The following CLASP1 variants were observed in gnomAD, a reference collection of about 807,000 sequenced individuals.
The protein encoded by CLASP1 is cytoplasmic linker associated protein 1.
A neutral mutation model predicts 192.3 loss-of-function variants in CLASP1; 38 were observed. That is an observed-to-expected ratio of 0.20 (90% CI 0.15 to 0.26). The LOEUF is 0.26. Among genes scored for constraint, CLASP1 ranks in the 10% least tolerant of loss-of-function variants. The probability of loss-of-function intolerance (pLI) is 1.00; values close to 1 mark genes in which losing one functional copy is unlikely to be tolerated. For synonymous variants in CLASP1, 691 were observed against 712.8 expected, an observed-to-expected ratio of 0.97 and a Z score of 0.49; for missense variants, 1,433 against 1,932.5, an observed-to-expected ratio of 0.74 and a Z score of 4.85.
At chr2:121,594,525 T>A (rs758759916) in intron 2 of CLASP1, among the ~76,000 whole-genome samples, 35 of 151,376 alleles carry the variant, frequency 2.3e-4, no homozygotes, top group Non-Finnish European at 4.7e-4. Context: ...CCCGAGTAGC[T>A]GGGACTACAG....
At chr2:121,367,712 G>T (rs371844669) in exon 35 of CLASP1, 4 of 1,614,006 alleles carry the variant, frequency 2.5e-6, no homozygotes, top group Non-Finnish European at 3.4e-6. Flanking sequence ...CCGGGAAGGC[G>T]CGCGGAGGCT....
At chr2:121,519,324 TGAG>T (rs2094403384) in intron 6 of CLASP1, among the ~76,000 whole-genome samples, 1 of 152,000 alleles carries the variant, frequency 6.6e-6, no homozygotes, top group African/African-American at 2.4e-5. Flanking sequence ...GGCAGTGACA[TGAG>T]GAGTGAGTGA....
At chr2:121,366,101 A>G (rs1428709849) in intron 35 of CLASP1, among the ~76,000 whole-genome samples, 1 of 152,252 alleles carries the variant, frequency 6.6e-6, no homozygotes, top group East Asian at 1.9e-4. Flanking sequence ...AAAGTCTGAA[A>G]TGGTAAAGAA....
intron 9 of CLASP1, among the ~76,000 whole-genome samples, chr2:121,464,701 T>G (rs1344483970): frequency 1.3e-5 from 2 of 152,194 alleles, no homozygotes; most frequent in East Asian, 3.8e-4. Flanking sequence ...GTTGTTTGTT[T>G]TTTTCTTGTA....
intron 2 of CLASP1, among the ~76,000 whole-genome samples, chr2:121,578,722 G>A (rs1315277161): frequency 4.0e-5 from 5 of 125,744 alleles, no homozygotes; most frequent in Admixed American, 2.3e-4. Context: ...GCAAGACTCC[G>A]TCTCAAAAAA....
At chr2:121,354,809 C>T (rs1472688412) in intron 37 of CLASP1, among the ~76,000 whole-genome samples, 1 of 152,192 alleles carries the variant, frequency 6.6e-6, no homozygotes, top group Admixed American at 6.5e-5. Context: ...AAGAACACGG[C>T]TCTGGAGACA....
chr2:121,378,360 A>T (rs1373344963), intron 33 of CLASP1, among the ~76,000 whole-genome samples: 1 of 152,188 alleles, frequency 6.6e-6, no homozygotes, highest in African/African-American at 2.4e-5. Context: ...AATCCTCATA[A>T]AAGCAAGAAA....
rs112605401 is a variant in CLASP1, at chr2:121,613,293, C to G, written c.-285-7113G>C. On this transcript the variant is annotated intron_variant, in intron 1 of 39. Transcript: ENST00000263710. ...GCATCTCAACCTTTTCCTGTCACATCATCTTGGTCCACAGGGCCAAAACAA... is the reference window on the plus strand; with the variant it reads ...GCATCTCAACCTTTTCCTGTCACATGATCTTGGTCCACAGGGCCAAAACAA... 1.2e-3 allele frequency among the ~76,000 whole-genome samples: 186 copies of G among 152,348 alleles called. 1 individual carries two copies. The highest frequency in any genetic ancestry group is 4.2e-3 in the African/African-American group (173 of 41,582).
intron 36 of CLASP1, 52 bp from the exon 38 acceptor site, chr2:121,363,352 A>T (rs1477372349): frequency 5.0e-6 from 8 of 1,605,164 alleles, no homozygotes; most frequent in African/African-American, 1.3e-5. Flanking sequence ...CAGCACTTTC[A>T]CACACAGCAG....
chr2:121,513,315 T>C (rs2094193391), intron 7 of CLASP1, among the ~76,000 whole-genome samples: 1 of 152,218 alleles, frequency 6.6e-6, no homozygotes, highest in South Asian at 2.1e-4. Context: ...TCCATTTCCC[T>C]AAGAATACCC....
In CLASP1 at chr2:121,347,044, C is replaced by T. The variant is rs1037500329; in HGVS notation, c.4524G>A (p.Gly1508=). Residue 1508 remains glycine (G), a synonymous_variant, in exon 39 of 40, where the codon GGG becomes GGA. Transcript: ENST00000263710. Reference sequence around the variant, plus strand: ...CAGGTAACACTATACATACCTTGCTCCCTGTGAGCTGTGCAAGGTGAGGTT... The same window carrying T: ...CAGGTAACACTATACATACCTTGCTTCCTGTGAGCTGTGCAAGGTGAGGTT... 9.0e-6 allele frequency: 14 copies of T among 1,564,012 alleles called. No individual in the cohort carries two copies. The African/African-American group carries it at 1.4e-4, about 15-fold the overall frequency.
Position 121,491,890 on chromosome 2 carries a change from A to ATATAAATATT in CLASP1, c.712+11276_712+11277insAATATTTATA, listed in dbSNP as rs1160641307. Among the ~76,000 whole-genome samples, 3 of 152,244 alleles carry ATATAAATATT rather than the reference A, an allele frequency of 2.0e-5. No homozygotes were observed. The South Asian group carries it at 6.2e-4, about 31-fold the overall frequency. On this transcript the variant is annotated intron_variant, in intron 8 of 39. Transcript: ENST00000263710. ...GGGTTTCATATAAATATTAAGCATC[A>ATATAAATATT]GAGAACAACATAATTTTGAACATCT...
intron 39 of CLASP1, among the ~76,000 whole-genome samples, chr2:121,343,120 A>T (rs957970879): frequency 2.6e-5 from 4 of 152,244 alleles, no homozygotes; most frequent in Admixed American, 2.6e-4. Context: ...TTAACAGATA[A>T]GAAATCGCCA....
chr2:121,585,870 A>G (rs1341476699), intron 2 of CLASP1, among the ~76,000 whole-genome samples: 1 of 150,050 alleles, frequency 6.7e-6, no homozygotes, highest in Non-Finnish European at 1.5e-5. Flanking sequence ...ACAGCACTCC[A>G]GCCTGAGCAA....
At chr2:121,592,527 A>T (rs2062532024) in intron 2 of CLASP1, among the ~76,000 whole-genome samples, 1 of 152,230 alleles carries the variant, frequency 6.6e-6, no homozygotes, top group African/African-American at 2.4e-5. Context: ...ACATTTCAAA[A>T]ATATATGAAG....
intron 2 of CLASP1, among the ~76,000 whole-genome samples, chr2:121,578,394 C>T (rs950023029): frequency 7.1e-6 from 1 of 141,260 alleles, no homozygotes; most frequent in Non-Finnish European, 1.5e-5. Flanking sequence ...TGCACTCCAG[C>T]CTGGACAACA....
chr2:121,378,761 G>A lies in CLASP1; in HGVS notation c.3492-1112C>T, dbSNP rs149345957. Among the ~76,000 whole-genome samples, 61 of 152,184 alleles carry A rather than the reference G, an allele frequency of 4.0e-4. No individual in the cohort carries two copies. The East Asian group carries it at 0.011, about 27-fold the overall frequency. On this transcript the variant is annotated intron_variant, in intron 33 of 39. Transcript: ENST00000263710. ...CTATACTGAGGATTGCTAGGGACAC[G>A]CGAAGAATCCTTGGCTGTAAGCATG...
intron 8 of CLASP1, among the ~76,000 whole-genome samples, chr2:121,500,935 A>G (rs1462377484): frequency 1.2e-4 from 19 of 152,164 alleles, no homozygotes; most frequent in Non-Finnish European, 2.9e-5. Context: ...ACACACATAA[A>G]GGGAATTTGG....
At chr2:121,404,267 G>T in intron 26 of CLASP1, 104 bp downstream of exon 27, 1 of 1,515,830 alleles carries the variant, frequency 6.6e-7, no homozygotes, top group South Asian at 1.3e-5. Context: ...CTGTAAGGTC[G>T]GAACTGCACT....
Sources: gnomAD v4.1 joint callset for allele counts (sites outside exome capture counted in the v4.1 genomes callset) on GRCh38, gnomAD v4.1.1 for gene constraint, MANE v1.5 for transcripts, NCBI Gene and HGNC (gene_info 2026-07-23, HGNC 2026-07-21) for gene names.